Variants in LRRTM3 observed in about 807,000 individuals in gnomAD.
LRRTM3 encodes leucine-rich repeat transmembrane neuronal protein 3.
In LRRTM3, 24 loss-of-function variants were observed where a neutral mutation model predicts 44.7. That is an observed-to-expected ratio of 0.54 (90% CI 0.39 to 0.76). LRRTM3 has a LOEUF of 0.76. Among genes scored for constraint, LRRTM3 ranks in the 30% least tolerant of loss-of-function variants. The pLI is 0.00. For missense variants in LRRTM3, 587 were observed against 702.2 expected, an observed-to-expected ratio of 0.84 and a Z score of 1.85; for synonymous variants, 277 against 278.7, an observed-to-expected ratio of 0.99 and a Z score of 0.06.
At chr10:67,090,661 A>G (rs10822974) in intron 2 of LRRTM3, among the ~76,000 whole-genome samples, 81,718 of 151,868 alleles carry the variant, frequency 0.54, 22,885 homozygotes, top group African/African-American at 0.7. Context: ...TCCAGCATGT[A>G]GTATAGTACC....
chr10:67,028,286 G>A (rs1405816968), intron 2 of LRRTM3, among the ~76,000 whole-genome samples: 1 of 152,102 alleles, frequency 6.6e-6, no homozygotes, highest in Non-Finnish European at 1.5e-5. Context: ...TAATGGCACA[G>A]GCAGATAAAT....
chr10:67,097,453 A>G, intron 2 of LRRTM3, 134 bp from the exon 3 acceptor site: 1 of 696,898 alleles, frequency 1.4e-6, no homozygotes. Context: ...GCGGGATAAT[A>G]TAGGGACACC....
chr10:67,039,047 A>G (rs1854238140), intron 2 of LRRTM3, among the ~76,000 whole-genome samples: 1 of 152,082 alleles, frequency 6.6e-6, no homozygotes, highest in Non-Finnish European at 1.5e-5. Flanking sequence ...TGAGGTTGCT[A>G]TATCAGCAGA....
chr10:67,016,216 C>T (rs1051571196), intron 2 of LRRTM3, among the ~76,000 whole-genome samples: 3 of 152,116 alleles, frequency 2.0e-5, no homozygotes, highest in African/African-American at 4.8e-5. Flanking sequence ...AATGAGATAG[C>T]AACTGACCAA....
chr10:67,002,562 A>G (rs771707398), intron 2 of LRRTM3, among the ~76,000 whole-genome samples: 1 of 152,214 alleles, frequency 6.6e-6, no homozygotes. Flanking sequence ...TATTTATGAC[A>G]GTCTAAATTA....
At chr10:66,956,303 C>G (rs1848788545) in intron 2 of LRRTM3, among the ~76,000 whole-genome samples, 1 of 151,568 alleles carries the variant, frequency 6.6e-6, no homozygotes, top group Non-Finnish European at 1.5e-5. Context: ...GTTTGAAAAC[C>G]ACTGGTAAGA....
At chr10:66,943,091 A>G (rs1848096033) in intron 2 of LRRTM3, among the ~76,000 whole-genome samples, 1 of 152,204 alleles carries the variant, frequency 6.6e-6, no homozygotes, top group Non-Finnish European at 1.5e-5. Context: ...TTGGAAATTT[A>G]CTTCACAAAG....
intron 2 of LRRTM3, among the ~76,000 whole-genome samples, chr10:67,065,825 C>A (rs73256456): frequency 0.11 from 16,020 of 151,992 alleles, 1,092 homozygotes; most frequent in South Asian, 0.2. Context: ...TATGCTAAAC[C>A]AGTGAGATTT....
intron 2 of LRRTM3, among the ~76,000 whole-genome samples, chr10:67,039,323 C>T (rs554876346): frequency 1.4e-4 from 21 of 152,110 alleles, no homozygotes; most frequent in African/African-American, 4.1e-4. Flanking sequence ...AACATAAATG[C>T]TAAAATAAGT....
chr10:66,979,720 G>A (rs1418680297), intron 2 of LRRTM3, among the ~76,000 whole-genome samples: 6 of 152,130 alleles, frequency 3.9e-5, no homozygotes, highest in African/African-American at 1.4e-4. Flanking sequence ...CACATTGAGT[G>A]CCCAATAAAT....
rs186418024 is a variant in LRRTM3, at chr10:66,957,576, C to G, written c.1536+29124C>G. ...CTGGGTCCCAGTCCCAGCACTGGTG[C>G]TTACCAGAGCTGTGCCAGTCTGGAT... is the stretch of plus-strand genomic sequence containing the variant. On this transcript the variant is annotated intron_variant, in intron 2 of 2. Transcript: ENST00000361320. 8.6e-5 allele frequency among the ~76,000 whole-genome samples: 13 copies of G among 151,750 alleles called. No individual in the cohort carries two copies. The East Asian group carries it at 2.3e-3, about 27-fold the overall frequency.
intron 2 of LRRTM3, among the ~76,000 whole-genome samples, chr10:66,943,177 G>T (rs1264147761): frequency 6.6e-6 from 1 of 152,148 alleles, no homozygotes; most frequent in East Asian, 1.9e-4. Context: ...TCTTTTTAAA[G>T]ACTTTGAAAA....
chr10:66,949,037 T>C (rs146698567), intron 2 of LRRTM3, among the ~76,000 whole-genome samples: 329 of 152,322 alleles, frequency 2.2e-3, no homozygotes, highest in Non-Finnish European at 3.1e-3. Context: ...GCATGTAATC[T>C]TGCAAACAAA....
At chr10:67,004,226 AAAAGTTTC>A (rs1311245829) in intron 2 of LRRTM3, among the ~76,000 whole-genome samples, 1 of 152,206 alleles carries the variant, frequency 6.6e-6, no homozygotes, top group Non-Finnish European at 1.5e-5. Context: ...ATTTCTACAA[AAAAGTTTC>A]AGAGAAAGAT....
intron 2 of LRRTM3, among the ~76,000 whole-genome samples, chr10:67,081,338 T>G: frequency 6.6e-6 from 1 of 152,182 alleles, no homozygotes; most frequent in East Asian, 1.9e-4. Flanking sequence ...ATGAGGAGTT[T>G]TTCAATCAAT....
At chr10:67,015,370 G>C (rs1410935979) in intron 2 of LRRTM3, 1 of 152,116 alleles carries the variant, frequency 6.6e-6, no homozygotes, top group Non-Finnish European at 1.5e-5. Context: ...GTTTAAAGAA[G>C]AGCTCCAGGG....
intron 2 of LRRTM3, among the ~76,000 whole-genome samples, chr10:67,046,926 T>A (rs1441153220): frequency 6.6e-6 from 1 of 152,112 alleles, no homozygotes; most frequent in African/African-American, 2.4e-5. Context: ...GAAGAAGAGG[T>A]ACATTAGTAG....
chr10:67,098,073 C>G lies in LRRTM3; in HGVS notation c.*277C>G. ...CTTTTTTTTTCAAAACTCATCCTAC[C>G]TACCTGTAAAAACTGTACAAAGCTA... On this transcript the variant is annotated 3_prime_UTR_variant, in exon 3 of 3. Coordinates refer to ENST00000361320, the MANE Select transcript of LRRTM3 (RefSeq NM_178011.5). The G allele has an allele frequency of 2.4e-6, 1 of 419,644 alleles. No homozygotes were observed. The highest frequency in any genetic ancestry group is 4.4e-6 in the Non-Finnish European group (1 of 228,750). 26.0% of individuals were successfully genotyped at this position (419,644 alleles called of 1,614,324 possible).
chr10:67,060,571 G>A lies in LRRTM3; in HGVS notation c.1537-37016G>A, dbSNP rs183491426. ...CACCAGATAACACATTCTAGTTCATGGGCACTAGTGGAAAGGATTTGTGTC... is the reference window on the plus strand; with the variant it reads ...CACCAGATAACACATTCTAGTTCATAGGCACTAGTGGAAAGGATTTGTGTC... On this transcript the variant is annotated intron_variant, in intron 2 of 2. Transcript: ENST00000361320. Among the ~76,000 whole-genome samples the A allele has an allele frequency of 6.6e-5, 10 of 152,258 alleles. No homozygotes were observed. The East Asian group carries it at 1.7e-3, about 27-fold the overall frequency.
Sources: gnomAD v4.1 joint callset for allele counts (sites outside exome capture counted in the v4.1 genomes callset) on GRCh38, gnomAD v4.1.1 for gene constraint, MANE v1.5 for transcripts, NCBI Gene and HGNC (gene_info 2026-07-23, HGNC 2026-07-21) for gene names.